The following TAFA2 variants were observed in gnomAD, a reference collection of about 807,000 sequenced individuals.
TAFA2 encodes the protein TAFA chemokine like family member 2.
In TAFA2, 7 loss-of-function variants were observed where a neutral mutation model predicts 18.8. The ratio of observed to expected loss-of-function variants is 0.37; its 90% confidence interval spans 0.21 to 0.70. The LOEUF (loss-of-function observed/expected upper bound fraction) is 0.70, where lower values mean the gene tolerates loss of function less well. Ranked by LOEUF, TAFA2 falls within the 30% of genes least tolerant of loss-of-function variation. TAFA2 has a pLI of 0.53. For missense variants in TAFA2, 122 were observed against 158.1 expected, an observed-to-expected ratio of 0.77 and a Z score of 1.23; for synonymous variants, 60 against 54.2, an observed-to-expected ratio of 1.11 and a Z score of -0.47.
intron 2 of TAFA2, among the ~76,000 whole-genome samples, chr12:61,828,725 T>A (rs1412581285): frequency 6.6e-6 from 1 of 151,870 alleles, no homozygotes; most frequent in East Asian, 1.9e-4. Context: ...ACATTTGTTA[T>A]CAAGTTGCTT....
chr12:61,993,132 TGC>T (rs1179861391), intron 1 of TAFA2, among the ~76,000 whole-genome samples: 2 of 152,210 alleles, frequency 1.3e-5, no homozygotes, highest in Non-Finnish European at 2.9e-5. Flanking sequence ...CTAAACATTC[TGC>T]GCTCATTACT....
chr12:61,960,062 A>G (rs1232664058), intron 1 of TAFA2, among the ~76,000 whole-genome samples: 2 of 152,016 alleles, frequency 1.3e-5, no homozygotes, highest in Non-Finnish European at 2.9e-5. Flanking sequence ...TTATCAAAGA[A>G]TAGCATGGCT....
At chr12:61,732,246 A>C (rs1014880863) in intron 4 of TAFA2, among the ~76,000 whole-genome samples, 6 of 152,148 alleles carry the variant, frequency 3.9e-5, no homozygotes, top group African/African-American at 1.4e-4. Flanking sequence ...AGATGAAAAA[A>C]GTACAAAAGG....
intron 2 of TAFA2, among the ~76,000 whole-genome samples, chr12:61,800,710 A>G (rs577196424): frequency 6.6e-6 from 1 of 152,292 alleles, no homozygotes; most frequent in South Asian, 2.1e-4. Flanking sequence ...ACAGAAATAA[A>G]TGGGAGATAG....
chr12:62,128,834 T>G (rs966523944), intron 1 of TAFA2, among the ~76,000 whole-genome samples: 2 of 152,022 alleles, frequency 1.3e-5, no homozygotes, highest in Non-Finnish European at 2.9e-5. Flanking sequence ...AAGATCAGGG[T>G]CACATAACAG....
intron 1 of TAFA2, among the ~76,000 whole-genome samples, chr12:62,015,165 A>C (rs1880891276): frequency 6.6e-6 from 1 of 152,150 alleles, no homozygotes; most frequent in Non-Finnish European, 1.5e-5. Flanking sequence ...GTAGCATTCC[A>C]TCTTTTTCCT....
At chr12:61,823,101 T>G (rs1872389427) in intron 2 of TAFA2, among the ~76,000 whole-genome samples, 1 of 152,160 alleles carries the variant, frequency 6.6e-6, no homozygotes, top group Admixed American at 6.6e-5. Context: ...ATTTAGAAAC[T>G]TTTTAAAAGA....
At chr12:61,884,491 T>C (rs1875285118) in intron 1 of TAFA2, among the ~76,000 whole-genome samples, 1 of 152,214 alleles carries the variant, frequency 6.6e-6, no homozygotes, top group African/African-American at 2.4e-5. Context: ...TTGTAGTCGC[T>C]CTTTTTTAGT....
At chr12:62,190,290 T>C (rs1316305643) in intron 1 of TAFA2, among the ~76,000 whole-genome samples, 1 of 152,172 alleles carries the variant, frequency 6.6e-6, no homozygotes, top group Non-Finnish European at 1.5e-5. Flanking sequence ...CCTGCAGTTC[T>C]GAGAGAAATA....
chr12:62,026,876 A>T (rs1001907014), intron 1 of TAFA2, among the ~76,000 whole-genome samples: 3 of 152,180 alleles, frequency 2.0e-5, no homozygotes, highest in African/African-American at 4.8e-5. Context: ...AAACAGCATG[A>T]GATAAATCAG....
intron 4 of TAFA2, among the ~76,000 whole-genome samples, chr12:61,723,545 T>A (rs1565750473): frequency 6.6e-6 from 1 of 152,112 alleles, no homozygotes; most frequent in Non-Finnish European, 1.5e-5. Flanking sequence ...TCTAGGATTA[T>A]CCCTATGATT....
intron 2 of TAFA2, among the ~76,000 whole-genome samples, chr12:61,787,076 G>A (rs1420274581): frequency 2.1e-4 from 32 of 151,202 alleles, no homozygotes; most frequent in Admixed American, 2.1e-3. Flanking sequence ...GAAAAGATTA[G>A]ATGAAACAGC....
At chr12:61,743,043 A>G (rs907945359) in intron 4 of TAFA2, among the ~76,000 whole-genome samples, 6 of 151,966 alleles carry the variant, frequency 3.9e-5, no homozygotes, top group South Asian at 2.1e-4. Flanking sequence ...AAATCTTTTA[A>G]CATGGTATTT....
At chr12:61,838,674 T>C (rs776425750) in intron 2 of TAFA2, among the ~76,000 whole-genome samples, 1 of 151,982 alleles carries the variant, frequency 6.6e-6, no homozygotes, top group Non-Finnish European at 1.5e-5. Context: ...AACTCAATGA[T>C]TGAAAAATGT....
chr12:61,786,218 AC>A (rs747875452), intron 2 of TAFA2, among the ~76,000 whole-genome samples: 2 of 151,606 alleles, frequency 1.3e-5, no homozygotes, highest in Non-Finnish European at 3.0e-5. Context: ...AAGGACTTGT[AC>A]TGTACTCAGA....
At chr12:62,084,719 G>A (rs1489736870) in intron 1 of TAFA2, among the ~76,000 whole-genome samples, 1 of 152,074 alleles carries the variant, frequency 6.6e-6, no homozygotes, top group African/African-American at 2.4e-5. Flanking sequence ...GACAAATACA[G>A]GTCCCAAACT....
chr12:62,017,299 G>A (rs1269032593), intron 1 of TAFA2, among the ~76,000 whole-genome samples: 2 of 152,064 alleles, frequency 1.3e-5, no homozygotes, highest in Non-Finnish European at 2.9e-5. Flanking sequence ...TTAATTAAAT[G>A]TCTATAAAAT....
intron 2 of TAFA2, among the ~76,000 whole-genome samples, chr12:61,816,480 C>T (rs1872091569): frequency 6.6e-6 from 1 of 151,268 alleles, no homozygotes; most frequent in Non-Finnish European, 1.5e-5. Flanking sequence ...CTGCAATGAA[C>T]ATTTGCATGC....
chr12:61,929,904 G>A (rs1045026057), intron 1 of TAFA2, among the ~76,000 whole-genome samples: 4 of 151,128 alleles, frequency 2.6e-5, no homozygotes, highest in African/African-American at 9.8e-5. Flanking sequence ...CTATCACAAG[G>A]ACAAAAAGCC....
Sources: gnomAD v4.1 joint callset for allele counts (sites outside exome capture counted in the v4.1 genomes callset) on GRCh38, gnomAD v4.1.1 for gene constraint, MANE v1.5 for transcripts, NCBI Gene and HGNC (gene_info 2026-07-23, HGNC 2026-07-21) for gene names.